Variants in DLG2 observed in about 807,000 individuals in gnomAD.
DLG2 encodes the protein discs large MAGUK scaffold protein 2.
Under a neutral mutation model 132.5 loss-of-function variants are expected in DLG2, and 45 were observed. The ratio of observed to expected loss-of-function variants is 0.34; its 90% CI spans 0.27 to 0.44. DLG2 has a LOEUF of 0.44. Ranked by LOEUF, DLG2 falls within the 20% of genes least tolerant of loss-of-function variation. The probability of loss-of-function intolerance (pLI) is 1.00; values close to 1 mark genes in which losing one functional copy is unlikely to be tolerated. For synonymous variants in DLG2, 424 were observed against 419.6 expected, an observed-to-expected ratio of 1.01 and a Z score of -0.13; for missense variants, 1,045 against 1,196.9, an observed-to-expected ratio of 0.87 and a Z score of 1.87.
intron 7 of DLG2, among the ~76,000 whole-genome samples, chr11:84,403,592 A>C (rs555114146): frequency 1.3e-5 from 2 of 152,320 alleles, no homozygotes; most frequent in South Asian, 4.1e-4. Flanking sequence ...TCCCTAAAAA[A>C]AACAGCTATA....
intron 6 of DLG2, among the ~76,000 whole-genome samples, chr11:84,998,979 A>G (rs1398208238): frequency 6.6e-6 from 1 of 150,658 alleles, no homozygotes; most frequent in Non-Finnish European, 1.5e-5. Flanking sequence ...ACAATTATAT[A>G]TATATATATA....
intron 10 of DLG2, among the ~76,000 whole-genome samples, chr11:84,079,765 C>A (rs188048903): frequency 1.1e-4 from 16 of 152,268 alleles, no homozygotes; most frequent in Admixed American, 9.8e-4. Context: ...ACCCAAGGCT[C>A]TCTCTCCCTG....
chr11:84,625,578 A>G (rs559412816), intron 6 of DLG2, among the ~76,000 whole-genome samples: 126 of 152,306 alleles, frequency 8.3e-4, no homozygotes, highest in Non-Finnish European at 1.4e-3. Flanking sequence ...CCTAACTAAA[A>G]GCCAGACCTC....
intron 6 of DLG2, among the ~76,000 whole-genome samples, chr11:85,062,211 T>G (rs1436333738): frequency 6.6e-6 from 1 of 151,838 alleles, no homozygotes; most frequent in Non-Finnish European, 1.5e-5. Flanking sequence ...GGAGGCTCTT[T>G]TATGCTATGA....
chr11:83,727,382 C>G (rs1398380874), intron 18 of DLG2, among the ~76,000 whole-genome samples: 2 of 152,172 alleles, frequency 1.3e-5, no homozygotes, highest in Non-Finnish European at 2.9e-5. Flanking sequence ...TCCCTCTCCA[C>G]CTTCCACTCC....
chr11:85,369,491 G>GT (rs2084811488), intron 3 of DLG2, among the ~76,000 whole-genome samples: 1 of 150,788 alleles, frequency 6.6e-6, no homozygotes, highest in African/African-American at 2.4e-5. Context: ...TTTAGAAGAC[G>GT]TTTTTACTAG....
At chr11:83,663,477 T>C (rs2074822427) in intron 18 of DLG2, among the ~76,000 whole-genome samples, 1 of 152,214 alleles carries the variant, frequency 6.6e-6, no homozygotes, top group African/African-American at 2.4e-5. Context: ...AAGTGGTTTA[T>C]TAAATATGTA....
At chr11:85,370,379 G>T (rs2084884768) in intron 3 of DLG2, among the ~76,000 whole-genome samples, 1 of 152,166 alleles carries the variant, frequency 6.6e-6, no homozygotes, top group South Asian at 2.1e-4. Context: ...AAAGCTGAAG[G>T]TTAAAAGAAG....
chr11:84,117,449 T>C (rs1017326166), intron 9 of DLG2, among the ~76,000 whole-genome samples: 35 of 152,244 alleles, frequency 2.3e-4, no homozygotes, highest in African/African-American at 6.5e-4. Context: ...AGCTTAAGTC[T>C]GGGCTTTTCT....
intron 5 of DLG2, among the ~76,000 whole-genome samples, chr11:85,141,592 C>A (rs1253304682): frequency 6.6e-6 from 1 of 151,724 alleles, no homozygotes; most frequent in Admixed American, 6.6e-5. Context: ...GCTTTGGTTG[C>A]CTGCACTTCT....
At chr11:84,359,344 C>T (rs951433134) in intron 7 of DLG2, among the ~76,000 whole-genome samples, 2 of 151,856 alleles carry the variant, frequency 1.3e-5, no homozygotes, top group Non-Finnish European at 2.9e-5. Context: ...TTAATCTTAA[C>T]ACCCCATCTC....
rs2089165771 is a variant in DLG2, at chr11:83,457,287, A to T, written c.*2531T>A. 1 of 152,666 alleles carries T rather than the reference A, an allele frequency of 6.6e-6. No homozygotes were observed. 9.5% of individuals were successfully genotyped at this position (152,666 alleles called of 1,614,324 possible). A position where few individuals can be genotyped will look rare whatever the true frequency, so the allele number is the denominator to read the frequency against. On this transcript the variant is annotated 3_prime_UTR_variant, in exon 28 of 28. Transcript: ENST00000376104. ...CATCAGATTTGCTGCAAAATACACC[A>T]GTTCATTGGAGCCATAGAGACATCA...
intron 6 of DLG2, among the ~76,000 whole-genome samples, chr11:84,555,032 G>A (rs2099409268): frequency 2.0e-5 from 3 of 152,218 alleles, no homozygotes; most frequent in Non-Finnish European, 4.4e-5. Flanking sequence ...GCAAACATGA[G>A]GAAGGAGAGG....
intron 4 of DLG2, among the ~76,000 whole-genome samples, chr11:85,182,647 C>G (rs779774020): frequency 6.6e-6 from 1 of 151,414 alleles, no homozygotes; most frequent in Non-Finnish European, 1.5e-5. Context: ...CCTGTGTGAA[C>G]ACACACATTC....
rs543968764 is a variant in DLG2, at chr11:84,900,988, C to A, written c.357+210673G>T. Among the ~76,000 whole-genome samples the A allele has an allele frequency of 4.5e-4, 68 of 151,962 alleles. 1 individual carries two copies. The highest frequency in any genetic ancestry group is 8.7e-4 in the Non-Finnish European group (59 of 67,888). On this transcript the variant is annotated intron_variant, in intron 6 of 27. Transcript: ENST00000376104. ...TTTTCCTTCCAGCCTTTCTTTTATT[C>A]TTCTTTTCCTCTTTCAGATACTTAG...
chr11:84,821,625 T>A (rs1477725317), intron 6 of DLG2, among the ~76,000 whole-genome samples: 6 of 113,378 alleles, frequency 5.3e-5, no homozygotes, highest in African/African-American at 1.7e-4. Flanking sequence ...GTTCATACAA[T>A]GTAAAAAAAA....
At chr11:83,660,607 A>T (rs2074003258) in intron 18 of DLG2, among the ~76,000 whole-genome samples, 1 of 152,186 alleles carries the variant, frequency 6.6e-6, no homozygotes, top group South Asian at 2.1e-4. Context: ...ATTTTCTACA[A>T]GAAGCACATA....
rs1430070927 is a variant in DLG2, at chr11:83,668,792, TAA to T, written c.1826-35469_1826-35468del. Among the ~76,000 whole-genome samples the T allele has an allele frequency of 2.2e-3, 285 of 128,540 alleles. 5 individuals are homozygous for T. The highest frequency in any genetic ancestry group is 8.1e-3 in the African/African-American group (271 of 33,490). The allele number at this position is 128,540 out of a possible 152,430, so 84.3% of individuals were successfully genotyped here. ...ATAAACACACATATATATGTGTATA[TAA>T]ACACACATATATATGTGTATATAAA... On this transcript the variant is annotated intron_variant, in intron 18 of 27. Coordinates refer to ENST00000376104, the MANE Select transcript of DLG2 (RefSeq NM_001142699.3).
Position 84,399,782 on chromosome 11 carries a change from T to G in DLG2, c.519+134788A>C, listed in dbSNP as rs533732890. The stretch of plus-strand genomic sequence containing the variant: ...AACATAAGACATTGGACTATTTTTG[T>G]TTGTTTGTTTTTTGGTTCTACAAAA... On this transcript the variant is annotated intron_variant, in intron 7 of 27. Coordinates refer to ENST00000376104, the MANE Select transcript of DLG2 (RefSeq NM_001142699.3). Among the ~76,000 whole-genome samples the G allele has an allele frequency of 3.3e-5, 5 of 152,320 alleles. No homozygotes were observed. In the East Asian group the frequency reaches 9.6e-4, roughly 29 times the overall value.
Sources: allele counts gnomAD v4.1 joint callset (sites outside exome capture counted in the v4.1 genomes callset), GRCh38; gene constraint gnomAD v4.1.1; transcripts MANE v1.5; gene names NCBI Gene and HGNC (gene_info 2026-07-23, HGNC 2026-07-21).